ICA1L: variants seen among roughly 807,000 people sequenced by gnomAD.
ICA1L encodes islet cell autoantigen 1-like protein.
A neutral mutation model predicts 61.3 loss-of-function variants in ICA1L; 50 were observed. That is an observed-to-expected ratio of 0.82 (90% CI 0.65 to 1.03). The LOEUF (loss-of-function observed/expected upper bound fraction) is 1.03, where lower values mean the gene tolerates loss of function less well. ICA1L is among the 50% of genes least tolerant of loss of function. The pLI is 0.00. For synonymous variants in ICA1L, 161 were observed against 191.3 expected, an observed-to-expected ratio of 0.84 and a Z score of 1.31; for missense variants, 508 against 556.7, an observed-to-expected ratio of 0.91 and a Z score of 0.88.
At chr2:202,840,768 A>G in intron 1 of ICA1L, 2 of 594,592 alleles carry the variant, frequency 3.4e-6, no homozygotes, top group Non-Finnish European at 3.2e-6. Context: ...CCACACTGCT[A>G]GGCATCTGCG....
chr2:202,818,423 G>C (rs940181648), intron 5 of ICA1L, among the ~76,000 whole-genome samples: 7 of 152,190 alleles, frequency 4.6e-5, no homozygotes, highest in Non-Finnish European at 7.3e-5. Context: ...TCTTCCTGGA[G>C]TGTAGGAAGC....
At chr2:202,810,237 T>C (rs545627229) in intron 9 of ICA1L, among the ~76,000 whole-genome samples, 11 of 152,306 alleles carry the variant, frequency 7.2e-5, no homozygotes, top group East Asian at 3.9e-4. Flanking sequence ...GAATAGTATA[T>C]CCAGCGAAAA....
chr2:202,792,911 T>C (rs139289958), intron 10 of ICA1L, among the ~76,000 whole-genome samples: 27 of 152,368 alleles, frequency 1.8e-4, no homozygotes, highest in African/African-American at 6.0e-4. Flanking sequence ...ACCTTTTGTA[T>C]GGCTTCATTT....
intron 2 of ICA1L, 143 bp from the exon 3 acceptor site, chr2:202,825,910 T>A (rs1356072749): frequency 1.2e-5 from 6 of 506,960 alleles, no homozygotes; most frequent in Non-Finnish European, 2.0e-5. Flanking sequence ...TATGACATGC[T>A]TCAGTTTTGG....
At chr2:202,789,578 T>C (rs1692685373) in intron 10 of ICA1L, among the ~76,000 whole-genome samples, 1 of 152,170 alleles carries the variant, frequency 6.6e-6, no homozygotes, top group Admixed American at 6.5e-5. Context: ...ACACAAAAAT[T>C]GTGTTCTTAA....
intron 6 of ICA1L, 68 bp downstream of exon 6, chr2:202,817,350 C>T (rs1693565124): frequency 7.1e-7 from 1 of 1,409,984 alleles, no homozygotes; most frequent in East Asian, 2.5e-5. Context: ...ACCCTTTAGA[C>T]AACTTTTAAA....
In ICA1L at chr2:202,811,012, GC is replaced by G. The variant is rs554804406; in HGVS notation, c.910+733del. Reference sequence around the variant, plus strand: ...AAACTTCATTAGCAATTTTAACTTCGCCCCTGTCCTGTGGTCTCACCCTGCC... The same window carrying G: ...AAACTTCATTAGCAATTTTAACTTCGCCCTGTCCTGTGGTCTCACCCTGCC... On this transcript the variant is annotated intron_variant, in intron 9 of 12. Transcript: ENST00000358299. 1.5e-4 allele frequency among the ~76,000 whole-genome samples: 23 copies of G among 152,130 alleles called. No homozygotes were observed. The East Asian group carries it at 4.3e-3, about 28-fold the overall frequency.
At chr2:202,861,281 T>G (rs943669338) in intron 1 of ICA1L, among the ~76,000 whole-genome samples, 1 of 151,268 alleles carries the variant, frequency 6.6e-6, no homozygotes, top group African/African-American at 2.4e-5. Context: ...GGCTCGCACC[T>G]GTAGTCCCAG....
rs1205807722 is a variant in ICA1L at position 202,775,018 on chromosome 2, C to T, written c.*4515G>A. On this transcript the variant is annotated 3_prime_UTR_variant, in exon 13 of 13. Transcript: ENST00000358299. ...AATGCCAAGGACAGTTTGTTTTGAA[C>T]TCTTTAGTAGTCTTTTAAATGGTAC... 1 of 152,164 alleles carries T rather than the reference C, an allele frequency of 6.6e-6. No individual in the cohort carries two copies. Among genetic ancestry groups the T allele is most frequent in the African/African-American group, 2.4e-5 (1 of 41,460 alleles). 9.4% of individuals were successfully genotyped at this position (152,164 alleles called of 1,614,324 possible). A position where few individuals can be genotyped will look rare whatever the true frequency, so the allele number is the denominator to read the frequency against.
intron 3 of ICA1L, among the ~76,000 whole-genome samples, chr2:202,822,868 A>G (rs1693736446): frequency 6.6e-6 from 1 of 152,330 alleles, no homozygotes. Context: ...GTGTCTACAC[A>G]GTCTGTAGTC....
In ICA1L at chr2:202,774,407, C is replaced by T. The variant is rs1353732483; in HGVS notation, c.*5126G>A. 2 of 1,004,120 alleles carry T rather than the reference C, an allele frequency of 2.0e-6. No individual in the cohort carries two copies. Among genetic ancestry groups the T allele is most frequent in the East Asian group, 3.6e-5 (1 of 27,890 alleles). The allele number at this position is 1,004,120 out of a possible 1,614,324, so 62.2% of individuals were successfully genotyped here. A position where few individuals can be genotyped will look rare whatever the true frequency, so the allele number is the denominator to read the frequency against. On this transcript the variant is annotated 3_prime_UTR_variant, in exon 13 of 13. Transcript: ENST00000358299. Reference sequence around the variant, plus strand: ...CAGGCCTCACTGCGCCTCCAACAGCCAGGGTCGAGCCCCTGGCTCCCCGTT... The same window carrying T: ...CAGGCCTCACTGCGCCTCCAACAGCTAGGGTCGAGCCCCTGGCTCCCCGTT...
chr2:202,795,437 A>C (rs1692896565), intron 10 of ICA1L, among the ~76,000 whole-genome samples: 1 of 152,290 alleles, frequency 6.6e-6, no homozygotes, highest in South Asian at 2.1e-4. Flanking sequence ...TTCTACTAAA[A>C]ATACAAAATT....
At chr2:202,838,169 A>C (rs1694207377) in intron 1 of ICA1L, among the ~76,000 whole-genome samples, 1 of 152,042 alleles carries the variant, frequency 6.6e-6, no homozygotes, top group East Asian at 1.9e-4. Context: ...AGATTTTTAA[A>C]ATTTCCTTTT....
At chr2:202,857,823 A>G (rs1694807696) in intron 1 of ICA1L, among the ~76,000 whole-genome samples, 1 of 152,238 alleles carries the variant, frequency 6.6e-6, no homozygotes, top group Admixed American at 6.5e-5. Context: ...ATGTGAACAG[A>G]CACTTCTCAA....
intron 1 of ICA1L, among the ~76,000 whole-genome samples, chr2:202,845,053 C>G (rs72934710): frequency 0.089 from 13,489 of 152,218 alleles, 739 homozygotes; most frequent in Non-Finnish European, 0.12. Context: ...ATCACATTGT[C>G]TTATCTTCTT....
intron 1 of ICA1L, chr2:202,869,619 C>T (rs1324795936): frequency 1.3e-5 from 2 of 151,884 alleles, no homozygotes; most frequent in African/African-American, 2.4e-5. Context: ...GAAAGAAATA[C>T]AACAAAATGT....
Position 202,821,387 on chromosome 2 carries a change from GC to G in ICA1L, c.329del (p.Gly110AlafsTer21). ...GCTTGGCTGAAGAACAAAGTGCCTT[GC>G]CAGTGGCATCCATCATTTTGCCAGC... The part of the protein sequence containing the change: ...TQAGKMMDAT[G>X]KALCSSAKQR... On this transcript the variant is annotated frameshift_variant, in exon 4 of 13. Transcript: ENST00000358299. LOFTEE classifies it high-confidence loss of function. 1 of 1,613,512 alleles carries G rather than the reference GC, an allele frequency of 6.2e-7. No homozygotes were observed.
chr2:202,811,607 A>T (rs1559135111), intron 9 of ICA1L, 139 bp downstream of exon 9: 3 of 584,426 alleles, frequency 5.1e-6, no homozygotes, highest in Non-Finnish European at 9.0e-6. Flanking sequence ...GCTTGCAGTG[A>T]GCCAAGATCA....
chr2:202,870,813 G>T (rs373232483), intron 1 of ICA1L: 3 of 152,204 alleles, frequency 2.0e-5, no homozygotes, highest in African/African-American at 7.2e-5. Context: ...CACGAAAAAT[G>T]ATTCCACCCC....
Sources: allele counts gnomAD v4.1 joint callset (sites outside exome capture counted in the v4.1 genomes callset), GRCh38; gene constraint gnomAD v4.1.1; transcripts MANE v1.5; gene names NCBI Gene and HGNC (gene_info 2026-07-23, HGNC 2026-07-21).